Variants in KIAA1217 observed in about 807,000 individuals in gnomAD.
KIAA1217 encodes sickle tail protein homolog.
KIAA1217 carries 88 observed loss-of-function variants against 163.9 expected under a neutral mutation model. The observed-to-expected ratio is 0.54, with a 90% CI of 0.45 to 0.64. The LOEUF (loss-of-function observed/expected upper bound fraction) is 0.64, where lower values mean the gene tolerates loss of function less well. KIAA1217 is among the 30% of genes least tolerant of loss of function. The pLI is 0.00. For synonymous variants in KIAA1217, 903 were observed against 923.1 expected (o/e 0.98, Z 0.39); for missense variants, 2,372 against 2,475.0 (o/e 0.96, Z 0.88).
intron 5 of KIAA1217, among the ~76,000 whole-genome samples, chr10:24,468,827 T>G (rs981904455): frequency 1.1e-4 from 16 of 152,080 alleles, no homozygotes; most frequent in African/African-American, 3.9e-4. Context: ...AGAATTACTT[T>G]TAGTTAATTG....
intron 1 of KIAA1217, among the ~76,000 whole-genome samples, chr10:23,752,861 C>T (rs1451984659): frequency 2.0e-5 from 3 of 152,102 alleles, no homozygotes; most frequent in African/African-American, 2.4e-5. Flanking sequence ...CACAGGGCAG[C>T]CCTGTGCTAA....
At chr10:24,545,538 C>T in intron 20 of KIAA1217, 1 of 1,327,908 alleles carries the variant, frequency 7.5e-7, no homozygotes, top group Non-Finnish European at 9.6e-7. Context: ...CAGTAATTAT[C>T]CAGACGCATG....
intron 1 of KIAA1217, among the ~76,000 whole-genome samples, chr10:23,927,325 G>GGTGTGTGTGTGTGTGTGT (rs57321785): frequency 4.9e-5 from 7 of 143,000 alleles, no homozygotes; most frequent in Non-Finnish European, 6.2e-5. Flanking sequence ...CAAGTCATAG[G>GGTGTGTGTGTGTGTGTGT]GTGTGTGTGT....
chr10:24,027,608 ATGCT>A (rs1848015608), intron 2 of KIAA1217, among the ~76,000 whole-genome samples: 1 of 152,204 alleles, frequency 6.6e-6, no homozygotes, highest in African/African-American at 2.4e-5. Flanking sequence ...ATTATAAAAC[ATGCT>A]AAAAACACAT....
At chr10:24,141,352 A>G (rs2064071654) in intron 2 of KIAA1217, among the ~76,000 whole-genome samples, 1 of 150,362 alleles carries the variant, frequency 6.7e-6, no homozygotes, top group African/African-American at 2.4e-5. Flanking sequence ...TGATGGTTTC[A>G]TTTTCTTTCT....
At chr10:24,010,068 G>A (rs1478646805) in intron 2 of KIAA1217, among the ~76,000 whole-genome samples, 1 of 152,064 alleles carries the variant, frequency 6.6e-6, no homozygotes, top group Non-Finnish European at 1.5e-5. Context: ...ATCAATTACA[G>A]TGATAGCTAA....
chr10:23,823,265 C>A (rs549201857), intron 1 of KIAA1217, among the ~76,000 whole-genome samples: 2 of 152,294 alleles, frequency 1.3e-5, no homozygotes, highest in East Asian at 3.9e-4. Flanking sequence ...GGACTGAGGT[C>A]CTGCTTCCTT....
intron 2 of KIAA1217, among the ~76,000 whole-genome samples, chr10:24,194,853 C>T (rs2066910351): frequency 6.6e-6 from 1 of 151,080 alleles, no homozygotes; most frequent in Non-Finnish European, 1.5e-5. Context: ...AGTGATCCTC[C>T]AGCCTTGGCC....
intron 1 of KIAA1217, among the ~76,000 whole-genome samples, chr10:23,846,664 T>G (rs574001524): frequency 3.6e-4 from 55 of 152,200 alleles, no homozygotes; most frequent in African/African-American, 1.3e-3. Flanking sequence ...TAAATATATA[T>G]TCATGTCATC....
intron 1 of KIAA1217, among the ~76,000 whole-genome samples, chr10:23,986,223 A>G (rs1845962729): frequency 6.6e-6 from 1 of 152,198 alleles, no homozygotes; most frequent in African/African-American, 2.4e-5. Context: ...GGGACCTTTC[A>G]GGTCCCTTCT....
chr10:23,858,040 G>A (rs1839781715), intron 1 of KIAA1217, among the ~76,000 whole-genome samples: 3 of 151,916 alleles, frequency 2.0e-5, no homozygotes, highest in Admixed American at 2.0e-4. Context: ...GATATGGAAG[G>A]GGAGGAAGAA....
rs779449604 is a variant in KIAA1217 at position 24,473,420 on chromosome 10, C to T, written c.1039C>T (p.Pro347Ser). Residue 347 changes from proline (P) to serine (S), a missense_variant, in exon 6 of 21, where the codon CCC becomes TCC. This residue lies in a region of KIAA1217 where 1,431 missense variants were observed against 1,470.3 expected (regional missense o/e 0.97). Transcript: ENST00000376454. ...SMVVPGNATI[P>S]RDRISSLPVS... ...GGTTGTTCCTGGCAATGCCACCATCCCCAGGGACAGAATCTCCAGCCTGCC... is the reference window on the plus strand; with the variant it reads ...GGTTGTTCCTGGCAATGCCACCATCTCCAGGGACAGAATCTCCAGCCTGCC... 15 of 1,613,942 alleles carry T rather than the reference C, an allele frequency of 9.3e-6. No homozygotes were observed. The highest frequency in any genetic ancestry group is 1.7e-5 in the Admixed American group (1 of 60,002).
chr10:23,729,942 C>T (rs1347350206), intron 1 of KIAA1217, among the ~76,000 whole-genome samples: 2 of 151,818 alleles, frequency 1.3e-5, no homozygotes, highest in African/African-American at 2.4e-5. Flanking sequence ...CACTCTGTCA[C>T]CCAGGCTGGA....
At chr10:24,172,892 T>C (rs2065698468) in intron 2 of KIAA1217, among the ~76,000 whole-genome samples, 1 of 152,256 alleles carries the variant, frequency 6.6e-6, no homozygotes, top group African/African-American at 2.4e-5. Flanking sequence ...AACTGTGGAC[T>C]GTTCCTTTGT....
chr10:24,110,383 G>T (rs7912205), intron 2 of KIAA1217, among the ~76,000 whole-genome samples: 5,755 of 152,160 alleles, frequency 0.038, 334 homozygotes, highest in African/African-American at 0.12. Context: ...TTCAAAGGAG[G>T]CTGTGTGTAC....
chr10:24,059,659 G>T (rs930858755), intron 2 of KIAA1217, among the ~76,000 whole-genome samples: 1 of 151,948 alleles, frequency 6.6e-6, no homozygotes, highest in Non-Finnish European at 1.5e-5. Context: ...CTCACTGCAA[G>T]CTCTGCCTTT....
At chr10:23,935,039 C>T (rs1843464996) in intron 1 of KIAA1217, among the ~76,000 whole-genome samples, 1 of 152,090 alleles carries the variant, frequency 6.6e-6, no homozygotes, top group South Asian at 2.1e-4. Context: ...ACTCCAAAAA[C>T]CTACAAGCTG....
chr10:24,421,066 G>A (rs1047154996), intron 3 of KIAA1217, among the ~76,000 whole-genome samples: 2 of 152,138 alleles, frequency 1.3e-5, no homozygotes, highest in Admixed American at 6.6e-5. Context: ...GTGCAATGGT[G>A]TGATCTTGGC....
intron 1 of KIAA1217, among the ~76,000 whole-genome samples, chr10:23,833,646 A>G (rs1427089029): frequency 6.6e-6 from 1 of 151,982 alleles, no homozygotes; most frequent in Non-Finnish European, 1.5e-5. Flanking sequence ...TACAGTTTCA[A>G]TACTTCTGTC....
Sources: allele counts gnomAD v4.1 joint callset (sites outside exome capture counted in the v4.1 genomes callset), GRCh38; gene constraint gnomAD v4.1.1; regional missense constraint gnomAD v4.1.1; transcripts MANE v1.5; gene names NCBI Gene and HGNC (gene_info 2026-07-23, HGNC 2026-07-21).